Variants in OTUD7A observed in about 807,000 individuals in gnomAD.
The protein encoded by OTUD7A is OTU domain-containing protein 7A.
In OTUD7A, 12 loss-of-function variants were observed where a neutral mutation model predicts 65.7. That is an observed-to-expected ratio of 0.18 (90% CI 0.12 to 0.30). The LOEUF (loss-of-function observed/expected upper bound fraction) is 0.30. Ranked by LOEUF, OTUD7A falls within the 10% of genes least tolerant of loss-of-function variation. The probability of loss-of-function intolerance (pLI) is 1.00; values close to 1 mark genes in which losing one functional copy is unlikely to be tolerated. For synonymous variants in OTUD7A, 641 were observed against 586.3 expected, an observed-to-expected ratio of 1.09 and a Z score of -1.35; for missense variants, 1,148 against 1,304.8, an observed-to-expected ratio of 0.88 and a Z score of 1.85.
intron 1 of OTUD7A, among the ~76,000 whole-genome samples, chr15:31,772,192 C>T (rs1239623537): frequency 6.9e-6 from 1 of 143,914 alleles, no homozygotes; most frequent in Non-Finnish European, 1.5e-5. Flanking sequence ...GCGGAGCTTG[C>T]AGTGAGCCGA....
At chr15:31,638,683 C>G (rs1479402224) in intron 3 of OTUD7A, among the ~76,000 whole-genome samples, 1 of 152,008 alleles carries the variant, frequency 6.6e-6, no homozygotes, top group Non-Finnish European at 1.5e-5. Context: ...GTGTGAGCCA[C>G]TGTGCTTAGC....
intron 1 of OTUD7A, among the ~76,000 whole-genome samples, chr15:31,815,676 C>A (rs939611925): frequency 1.3e-5 from 2 of 152,192 alleles, no homozygotes; most frequent in Admixed American, 6.5e-5. Context: ...GAAGTGGTGG[C>A]GGCAGGATGG....
intron 3 of OTUD7A, among the ~76,000 whole-genome samples, chr15:31,580,495 C>T (rs4445857): frequency 0.33 from 49,886 of 152,106 alleles, 10,716 homozygotes; most frequent in African/African-American, 0.61. Context: ...AAAATGAATG[C>T]TAGGTGGACA....
At chr15:31,860,622 G>GATAAATATATATATATATGTATATATAT (rs59869625) in intron 1 of OTUD7A, among the ~76,000 whole-genome samples, 1 of 26,856 alleles carries the variant, frequency 3.7e-5, no homozygotes, top group African/African-American at 8.3e-5. Context: ...CAGAAGTGGA[G>GATAAATATATATATATATGTATATATAT]ATATATATAT....
chr15:31,576,651 T>C (rs948559642), intron 3 of OTUD7A, among the ~76,000 whole-genome samples: 3 of 152,202 alleles, frequency 2.0e-5, no homozygotes, highest in African/African-American at 7.2e-5. Flanking sequence ...TCCTGAGGGC[T>C]ATGTCATGGA....
chr15:31,555,298 G>T (rs1393344152), intron 5 of OTUD7A, among the ~76,000 whole-genome samples: 1 of 152,160 alleles, frequency 6.6e-6, no homozygotes, highest in Admixed American at 6.5e-5. Flanking sequence ...GCCAAGCACA[G>T]CTAGAACTGT....
intron 1 of OTUD7A, among the ~76,000 whole-genome samples, chr15:31,723,407 C>T (rs1595728056): frequency 3.6e-5 from 4 of 110,188 alleles, no homozygotes; most frequent in Admixed American, 2.7e-4. Context: ...CCCCCCCCCC[C>T]GCCCCCCGTT....
In OTUD7A at chr15:31,483,916, T is replaced by G. The variant is rs1032679982; in HGVS notation, c.2180A>C (p.Lys727Thr). 1 of 1,068,880 alleles carries G rather than the reference T, an allele frequency of 9.4e-7. No individual in the cohort carries two copies. Among genetic ancestry groups the G allele is most frequent in the Non-Finnish European group, 1.1e-6 (1 of 879,866 alleles). The allele number at this position is 1,068,880 out of a possible 1,614,324, so 66.2% of individuals were successfully genotyped here. A position where few individuals can be genotyped will look rare whatever the true frequency, so the allele number is the denominator to read the frequency against. The change falls in exon 13 of 13, where the codon AAG becomes ACG. Residue 727 changes from lysine to threonine, a missense_variant. Coordinates refer to ENST00000307050, the MANE Select transcript of OTUD7A (RefSeq NM_001382637.1). ...CCCGGGGCTCGGCCGCTCCTTGAGCTTGAGCACCAGCTGCGTGGGTGGGCC... is the reference window on the plus strand; with the variant it reads ...CCCGGGGCTCGGCCGCTCCTTGAGCGTGAGCACCAGCTGCGTGGGTGGGCC... Reference protein sequence around the residue: ...SPGPPTQLVLKLKERPSPGPA... With the variant: ...SPGPPTQLVLTLKERPSPGPA...
chr15:31,800,071 A>C (rs916269130), intron 1 of OTUD7A, among the ~76,000 whole-genome samples: 1 of 152,204 alleles, frequency 6.6e-6, no homozygotes, highest in African/African-American at 2.4e-5. Context: ...GTTGTGACTC[A>C]GGCAGAAATC....
chr15:31,655,532 A>G (rs1444068742), intron 2 of OTUD7A, among the ~76,000 whole-genome samples: 1 of 151,802 alleles, frequency 6.6e-6, no homozygotes, highest in African/African-American at 2.4e-5. Flanking sequence ...ATATGTTGAT[A>G]TCTAATCTCC....
At chr15:31,820,420 T>A (rs1896649343) in intron 1 of OTUD7A, among the ~76,000 whole-genome samples, 1 of 152,240 alleles carries the variant, frequency 6.6e-6, no homozygotes, top group Non-Finnish European at 1.5e-5. Flanking sequence ...TTTTGAGCTA[T>A]ATTTTCTACG....
At chr15:31,519,254 T>A (rs2041906436) in intron 8 of OTUD7A, among the ~76,000 whole-genome samples, 1 of 152,376 alleles carries the variant, frequency 6.6e-6, no homozygotes, top group African/African-American at 2.4e-5. Context: ...TCTGCATCTA[T>A]CAAGATGATC....
intron 1 of OTUD7A, among the ~76,000 whole-genome samples, chr15:31,826,965 C>T (rs1355147778): frequency 2.6e-5 from 4 of 152,204 alleles, no homozygotes; most frequent in Non-Finnish European, 5.9e-5. Flanking sequence ...TCACTATCAG[C>T]GTTTTGGGCA....
At chr15:31,790,235 C>T (rs572640897) in intron 1 of OTUD7A, among the ~76,000 whole-genome samples, 12 of 152,082 alleles carry the variant, frequency 7.9e-5, no homozygotes, top group Non-Finnish European at 1.3e-4. Context: ...AAAAACTAGG[C>T]GGCAGGGCCA....
At chr15:31,779,924 TG>T (rs1895492833) in intron 1 of OTUD7A, among the ~76,000 whole-genome samples, 1 of 152,108 alleles carries the variant, frequency 6.6e-6, no homozygotes, top group Admixed American at 6.5e-5. Context: ...ACACTCTGAC[TG>T]CTTCTGGTAA....
At chr15:31,607,747 T>C (rs1890277874) in intron 3 of OTUD7A, among the ~76,000 whole-genome samples, 1 of 152,192 alleles carries the variant, frequency 6.6e-6, no homozygotes, top group Admixed American at 6.5e-5. Context: ...TGCAGTAACA[T>C]GCTGTACAGG....
rs2041708787 is a variant in OTUD7A, at chr15:31,511,041, C to CATGTATATCTATATGTAACATACATGTAT, written c.894-7224_894-7223insATACATGTATGTTACATATAGATATACAT. ...TACATGTATATCTATATGTAACATA[C>CATGTATATCTATATGTAACATACATGTAT]ATGTATATCTATATGTAACATACAT... On this transcript the variant is annotated intron_variant, in intron 8 of 12. Coordinates refer to ENST00000307050, the MANE Select transcript of OTUD7A (RefSeq NM_001382637.1). Among the ~76,000 whole-genome samples, 2 of 13,864 alleles carry CATGTATATCTATATGTAACATACATGTAT rather than the reference C, an allele frequency of 1.4e-4. 1 individual carries two copies. The highest frequency in any genetic ancestry group is 1.7e-3 in the Admixed American group (2 of 1,210). The allele number at this position is 13,864 out of a possible 152,430, so 9.1% of individuals were successfully genotyped here. A position where few individuals can be genotyped will look rare whatever the true frequency, so the allele number is the denominator to read the frequency against.
chr15:31,508,953 G>T (rs184431106), intron 8 of OTUD7A, among the ~76,000 whole-genome samples: 496 of 152,286 alleles, frequency 3.3e-3, no homozygotes, highest in Non-Finnish European at 4.7e-3. Context: ...GGCCGCCCTC[G>T]GGCTTTGAGA....
At chr15:31,514,044 T>A (rs57581299) in intron 8 of OTUD7A, among the ~76,000 whole-genome samples, 9 of 126,752 alleles carry the variant, frequency 7.1e-5, no homozygotes, top group African/African-American at 2.9e-4. Flanking sequence ...TTCTTTTCTT[T>A]CTTTCTTTCT....
Sources: gnomAD v4.1 joint callset for allele counts (sites outside exome capture counted in the v4.1 genomes callset) on GRCh38, gnomAD v4.1.1 for gene constraint, MANE v1.5 for transcripts, NCBI Gene and HGNC (gene_info 2026-07-23, HGNC 2026-07-21) for gene names.